The following ZBTB20 variants were observed in gnomAD, a reference collection of about 807,000 sequenced individuals.
ZBTB20 encodes zinc finger and BTB domain-containing protein 20.
Under a neutral mutation model 56.9 loss-of-function variants are expected in ZBTB20, and 9 were observed. The ratio of observed to expected loss-of-function variants is 0.16; its 90% CI spans 0.10 to 0.28. The LOEUF (loss-of-function observed/expected upper bound fraction) is 0.28, where lower values mean the gene tolerates loss of function less well. Ranked by LOEUF, ZBTB20 falls within the 10% of genes least tolerant of loss-of-function variation. The pLI is 1.00. For synonymous variants in ZBTB20, 417 were observed against 420.7 expected (o/e 0.99, Z 0.11); for missense variants, 655 against 1,003.0 (o/e 0.65, Z 4.69).
chr3:114,614,099 C>A (rs986947571), intron 6 of ZBTB20, among the ~76,000 whole-genome samples: 2 of 152,210 alleles, frequency 1.3e-5, no homozygotes, highest in Admixed American at 6.5e-5. Context: ...CTTAACCACA[C>A]TGCTCTACTG....
chr3:114,389,189 T>G (rs1444326667), intron 7 of ZBTB20, 84 bp from the exon 8 acceptor site: 1 of 152,198 alleles, frequency 6.6e-6, no homozygotes, highest in Non-Finnish European at 1.5e-5. Flanking sequence ...AGGAAAGAAC[T>G]TTGGGACTTG....
chr3:114,665,437 T>C (rs551874534), intron 6 of ZBTB20, among the ~76,000 whole-genome samples: 2 of 152,116 alleles, frequency 1.3e-5, no homozygotes, highest in South Asian at 2.1e-4. Context: ...ATTTCTCAGA[T>C]TGTATCCCCA....
chr3:114,627,043 G>A (rs2058692876), intron 6 of ZBTB20, among the ~76,000 whole-genome samples: 1 of 152,106 alleles, frequency 6.6e-6, no homozygotes. Context: ...TTGTGGCAGG[G>A]AATATTTTAC....
At chr3:114,671,780 A>G (rs1052839727) in intron 6 of ZBTB20, among the ~76,000 whole-genome samples, 3 of 152,166 alleles carry the variant, frequency 2.0e-5, no homozygotes, top group African/African-American at 7.2e-5. Context: ...AACAGCAATA[A>G]TTATTATCCA....
chr3:114,859,572 G>GTTTTTTTTTTTTTTTTTTTTTTTTT (rs59741665), intron 4 of ZBTB20, among the ~76,000 whole-genome samples: 1 of 116,606 alleles, frequency 8.6e-6, no homozygotes, highest in African/African-American at 3.1e-5. Context: ...TTCTTATGGC[G>GTTTTTTTTTTTTTTTTTTTTTTTTT]TTTTTTTTTT....
chr3:114,695,137 A>C (rs560443236), intron 5 of ZBTB20, among the ~76,000 whole-genome samples: 6 of 152,188 alleles, frequency 3.9e-5, no homozygotes, highest in Non-Finnish European at 7.4e-5. Flanking sequence ...TGCCACATTA[A>C]AAGAAAAAAT....
chr3:114,581,633 A>G (rs2054636245), intron 6 of ZBTB20, among the ~76,000 whole-genome samples: 1 of 152,042 alleles, frequency 6.6e-6, no homozygotes, highest in Non-Finnish European at 1.5e-5. Flanking sequence ...CCCAACAGAA[A>G]GATGGACAAA....
At chr3:114,485,724 G>A (rs909302251) in intron 7 of ZBTB20, among the ~76,000 whole-genome samples, 1 of 152,046 alleles carries the variant, frequency 6.6e-6, no homozygotes, top group Non-Finnish European at 1.5e-5. Flanking sequence ...TATATAAAAG[G>A]TGTGAAGGAG....
chr3:114,440,610 C>A (rs2090849462), intron 7 of ZBTB20, among the ~76,000 whole-genome samples: 1 of 152,000 alleles, frequency 6.6e-6, no homozygotes, highest in Admixed American at 6.6e-5. Flanking sequence ...CTAAAGAGAG[C>A]ATAGGGGAGA....
At chr3:115,048,309 C>A (rs895696557) in intron 2 of ZBTB20, among the ~76,000 whole-genome samples, 6 of 152,166 alleles carry the variant, frequency 3.9e-5, no homozygotes, top group Non-Finnish European at 8.8e-5. Context: ...TCTTCACATA[C>A]ACACAAATCT....
intron 7 of ZBTB20, chr3:114,453,572 A>G (rs182440981): frequency 6.6e-6 from 1 of 152,252 alleles, no homozygotes; most frequent in Non-Finnish European, 1.5e-5. Context: ...TCTTTCTTCC[A>G]CAAGATTTTG....
rs113511682 is a variant in ZBTB20 at position 114,614,787 on chromosome 3, G to A, written c.-295+78741C>T. Among the ~76,000 whole-genome samples the A allele has an allele frequency of 7.9e-5, 12 of 151,926 alleles. No homozygotes were observed. In the East Asian group the frequency reaches 2.3e-3, roughly 29 times the overall value. On this transcript the variant is annotated intron_variant, in intron 6 of 11. Transcript: ENST00000675478. ...TTTGTTTTGAGACGGAGTCTTGCTC[G>A]GTCGCCCAGGCTGGAGTGTGCAGTG...
chr3:114,788,104 A>G (rs1257917070), intron 5 of ZBTB20, among the ~76,000 whole-genome samples: 5 of 152,164 alleles, frequency 3.3e-5, no homozygotes, highest in African/African-American at 1.2e-4. Context: ...TGAACAGACT[A>G]TGTAGTTCAA....
At chr3:115,027,346 TAAAGA>T (rs2080468176) in intron 2 of ZBTB20, 1 of 151,106 alleles carries the variant, frequency 6.6e-6, no homozygotes, top group East Asian at 1.9e-4. Context: ...ACAAGGCAAG[TAAAGA>T]AAAGAAATCA....
At chr3:115,133,231 G>C (rs573986786) in intron 1 of ZBTB20, among the ~76,000 whole-genome samples, 2 of 152,122 alleles carry the variant, frequency 1.3e-5, no homozygotes, top group South Asian at 2.1e-4. Context: ...ATTTGTATTT[G>C]ACTAAAAGTC....
chr3:114,846,138 C>T (rs2074690700), intron 4 of ZBTB20, among the ~76,000 whole-genome samples: 1 of 152,102 alleles, frequency 6.6e-6, no homozygotes, highest in African/African-American at 2.4e-5. Context: ...TACACACCTA[C>T]ATATACCTAT....
chr3:114,669,049 G>T (rs1428356301), intron 6 of ZBTB20, among the ~76,000 whole-genome samples: 1 of 152,070 alleles, frequency 6.6e-6, no homozygotes, highest in African/African-American at 2.4e-5. Context: ...CAATTCAGTG[G>T]TTCTTAACTG....
At chr3:114,887,873 T>C (rs1234205445) in intron 4 of ZBTB20, among the ~76,000 whole-genome samples, 1 of 152,044 alleles carries the variant, frequency 6.6e-6, no homozygotes, top group African/African-American at 2.4e-5. Context: ...AAGCCCCCAA[T>C]TGATAGGAGC....
chr3:114,906,407 C>T (rs36021957), intron 3 of ZBTB20, among the ~76,000 whole-genome samples: 7,300 of 151,484 alleles, frequency 0.048, 278 homozygotes, highest in Non-Finnish European at 0.073. Flanking sequence ...AGGTATAGTA[C>T]CTAGAAAAAG....
Sources: allele counts gnomAD v4.1 joint callset (sites outside exome capture counted in the v4.1 genomes callset), GRCh38; gene constraint gnomAD v4.1.1; transcripts MANE v1.5; gene names NCBI Gene and HGNC (gene_info 2026-07-23, HGNC 2026-07-21).